Variants in PTGER3 observed in about 807,000 individuals in gnomAD.
PTGER3 encodes prostaglandin E receptor 3.
Under a neutral mutation model 34.7 loss-of-function variants are expected in PTGER3, and 22 were observed. The ratio of observed to expected loss-of-function variants is 0.63; its 90% confidence interval spans 0.45 to 0.91. The LOEUF (loss-of-function observed/expected upper bound fraction) is 0.91. PTGER3 is among the 40% of genes least tolerant of loss of function. The probability of loss-of-function intolerance (pLI) is 0.00; values close to 1 mark genes in which losing one functional copy is unlikely to be tolerated. For missense variants in PTGER3, 468 were observed against 519.4 expected (o/e 0.90, Z 0.96); for synonymous variants, 241 against 230.1 (o/e 1.05, Z -0.43).
At chr1:70,964,327 A>G (rs1338864392) in intron 2 of PTGER3, among the ~76,000 whole-genome samples, 1 of 152,148 alleles carries the variant, frequency 6.6e-6, no homozygotes, top group Non-Finnish European at 1.5e-5. Context: ...CTTTATAGCA[A>G]CACTCAATTT....
In PTGER3 at chr1:70,899,468, A is replaced by G. The variant is rs115423857; in HGVS notation, c.*24-46609T>C. On this transcript the variant is annotated intron_variant, in intron 4 of 4. Coordinates refer to the PTGER3 transcript ENST00000370931. Reference sequence around the variant, plus strand: ...GAGAAGAGTATCCCAGGCTAACAGGAAATCTCATGAGAGAAGACATAGAAG... The same window carrying G: ...GAGAAGAGTATCCCAGGCTAACAGGGAATCTCATGAGAGAAGACATAGAAG... Among the ~76,000 whole-genome samples the G allele has an allele frequency of 6.3e-3, 966 of 152,280 alleles. 13 individuals are homozygous for G. The highest frequency in any genetic ancestry group is 0.021 in the African/African-American group (891 of 41,562).
intron 2 of PTGER3, among the ~76,000 whole-genome samples, chr1:70,998,989 G>A (rs1656233051): frequency 6.6e-6 from 1 of 152,054 alleles, no homozygotes; most frequent in Non-Finnish European, 1.5e-5. Flanking sequence ...AGACCATCGT[G>A]GCTAACACGG....
At chr1:70,865,511 A>G (rs1294691202) in intron 4 of PTGER3, among the ~76,000 whole-genome samples, 2 of 152,148 alleles carry the variant, frequency 1.3e-5, no homozygotes, top group Admixed American at 1.3e-4. Flanking sequence ...TGGGAATAGA[A>G]AGGAAGCAAG....
chr1:71,021,404 T>A (rs1383071771), intron 1 of PTGER3, among the ~76,000 whole-genome samples: 6 of 152,126 alleles, frequency 3.9e-5, no homozygotes, highest in Admixed American at 3.9e-4. Flanking sequence ...AATATCTAAG[T>A]AAGTATTCAA....
intron 2 of PTGER3, among the ~76,000 whole-genome samples, chr1:70,979,253 T>C (rs897763055): frequency 3.9e-5 from 6 of 152,042 alleles, no homozygotes; most frequent in African/African-American, 1.4e-4. Context: ...CTTCTACATT[T>C]TTTATATGCA....
chr1:70,910,242 T>C (rs1572621806), intron 4 of PTGER3, among the ~76,000 whole-genome samples: 1 of 152,318 alleles, frequency 6.6e-6, no homozygotes, highest in East Asian at 1.9e-4. Flanking sequence ...TGGCTTTCTC[T>C]GAAGCAAAAC....
At chr1:70,923,934 G>A (rs1392436347) in intron 4 of PTGER3, among the ~76,000 whole-genome samples, 2 of 152,142 alleles carry the variant, frequency 1.3e-5, no homozygotes, top group Non-Finnish European at 2.9e-5. Flanking sequence ...TACCTGAATG[G>A]CATGCTTTTC....
chr1:71,008,593 G>A (rs185149882), intron 2 of PTGER3: 50 of 984,290 alleles, frequency 5.1e-5, no homozygotes, highest in Middle Eastern at 5.2e-4. Flanking sequence ...AAATTGGCTC[G>A]ATCATAACCT....
intron 1 of PTGER3, among the ~76,000 whole-genome samples, chr1:71,038,732 G>A (rs1012188072): frequency 6.6e-6 from 1 of 152,142 alleles, no homozygotes; most frequent in Non-Finnish European, 1.5e-5. Flanking sequence ...GTGTTGTCAG[G>A]ACCTGGTCAA....
At chr1:70,853,960 T>C (rs1645742024) in intron 4 of PTGER3, among the ~76,000 whole-genome samples, 1 of 152,086 alleles carries the variant, frequency 6.6e-6, no homozygotes, top group Admixed American at 6.6e-5. Context: ...TTACACAATA[T>C]ACAAAAATAA....
At chr1:70,916,701 A>C (rs924702741) in intron 4 of PTGER3, among the ~76,000 whole-genome samples, 3 of 152,046 alleles carry the variant, frequency 2.0e-5, no homozygotes, top group Non-Finnish European at 4.4e-5. Context: ...AAATGTGGGA[A>C]CAATAGATAC....
chr1:71,001,196 A>G (rs1038209317), intron 2 of PTGER3, among the ~76,000 whole-genome samples: 1 of 123,384 alleles, frequency 8.1e-6, no homozygotes, highest in African/African-American at 3.0e-5. Flanking sequence ...TTTATGAAAA[A>G]ACTTAAGAAA....
At chr1:70,902,617 C>G (rs1354028300) in intron 4 of PTGER3, among the ~76,000 whole-genome samples, 2 of 152,124 alleles carry the variant, frequency 1.3e-5, no homozygotes, top group African/African-American at 2.4e-5. Flanking sequence ...AAATACTTCA[C>G]AGAAGAGGGT....
intron 2 of PTGER3, among the ~76,000 whole-genome samples, chr1:70,979,040 G>A (rs1305167604): frequency 6.6e-6 from 1 of 152,102 alleles, no homozygotes; most frequent in Non-Finnish European, 1.5e-5. Context: ...TTCATCAAAT[G>A]CTTGTTTCTT....
chr1:70,909,225 A>G (rs1647011819), intron 4 of PTGER3, among the ~76,000 whole-genome samples: 1 of 152,208 alleles, frequency 6.6e-6, no homozygotes, highest in Non-Finnish European at 1.5e-5. Context: ...CAAAACACCA[A>G]ATTACACAGG....
chr1:71,032,744 T>G (rs1371160851), intron 1 of PTGER3, among the ~76,000 whole-genome samples: 1 of 152,254 alleles, frequency 6.6e-6, no homozygotes, highest in Non-Finnish European at 1.5e-5. Context: ...TTATATTTAT[T>G]TATTTGCTTA....
intron 1 of PTGER3, among the ~76,000 whole-genome samples, chr1:71,045,274 C>T (rs1430782120): frequency 1.3e-5 from 2 of 152,054 alleles, no homozygotes; most frequent in Non-Finnish European, 2.9e-5. Context: ...ACATGGCGCA[C>T]AAAAAACTCA....
At chr1:70,965,514 T>C (rs1166227400) in intron 2 of PTGER3, among the ~76,000 whole-genome samples, 3 of 152,110 alleles carry the variant, frequency 2.0e-5, no homozygotes, top group Non-Finnish European at 4.4e-5. Context: ...ACTAACTCAA[T>C]CCTTTATTTT....
In PTGER3 at chr1:70,983,294, A is replaced by AAAC. The variant is rs5775040; in HGVS notation, c.1078-8907_1078-8906insGTT. Reference sequence around the variant, plus strand: ...TTTTTTAATTAATCTGAAAAAAAAAACAACGGAACTTTCTATGGCTAGAAT... The same window carrying AAAC: ...TTTTTTAATTAATCTGAAAAAAAAAAAACCAACGGAACTTTCTATGGCTAGAAT... On this transcript the variant is annotated intron_variant, in intron 2 of 3. Coordinates refer to ENST00000306666, the MANE Select transcript of PTGER3 (RefSeq NM_198719.2). Among the ~76,000 whole-genome samples the AAAC allele has an allele frequency of 1.3e-3, 200 of 151,618 alleles. 1 individual carries two copies. Among genetic ancestry groups the AAAC allele is most frequent in the African/African-American group, 4.7e-3 (196 of 41,316 alleles).
Sources: allele counts gnomAD v4.1 joint callset (sites outside exome capture counted in the v4.1 genomes callset), GRCh38; gene constraint gnomAD v4.1.1; transcripts MANE v1.5; gene names NCBI Gene and HGNC (gene_info 2026-07-23, HGNC 2026-07-21).